Variants in WIPF3 observed in about 807,000 individuals in gnomAD.
WIPF3 encodes the protein WAS/WASL interacting protein family member 3, also known as WAS/WASL-interacting protein family member 3.
Under a neutral mutation model 38.9 loss-of-function variants are expected in WIPF3, and 33 were observed. The observed-to-expected ratio is 0.85, with a 90% confidence interval of 0.64 to 1.14. The LOEUF is 1.14. Ranked by LOEUF, WIPF3 falls within the 50% of genes most tolerant of loss-of-function variation. The pLI, the probability that WIPF3 is intolerant of heterozygous loss-of-function variation, is 0.00. For synonymous variants in WIPF3, 324 were observed against 269.3 expected, an observed-to-expected ratio of 1.20 and a Z score of -1.99; for missense variants, 711 against 652.5, an observed-to-expected ratio of 1.09 and a Z score of -0.98.
intron 1 of WIPF3, among the ~76,000 whole-genome samples, chr7:29,813,779 T>G (rs1444891058): frequency 6.6e-6 from 1 of 152,184 alleles, no homozygotes; most frequent in African/African-American, 2.4e-5. Context: ...ATTCCAGACA[T>G]TTTCATCACC....
intron 2 of WIPF3, among the ~76,000 whole-genome samples, chr7:29,859,114 C>T (rs1423351130): frequency 6.6e-6 from 1 of 152,094 alleles, no homozygotes; most frequent in Non-Finnish European, 1.5e-5. Context: ...GAAATATCTT[C>T]ATGAACTATG....
chr7:29,865,720 T>A (rs1391068521), intron 2 of WIPF3, among the ~76,000 whole-genome samples: 1 of 152,186 alleles, frequency 6.6e-6, no homozygotes, highest in Non-Finnish European at 1.5e-5. Context: ...TGGAAGAGAA[T>A]TCCATTAGAT....
rs576561398 is a variant in WIPF3, at chr7:29,912,523, A to G, written c.1429-1970A>G. On this transcript the variant is annotated intron_variant, in intron 8 of 8. Transcript: ENST00000242140. ...TTACAATAGCTAAAATGTAGAAGCAACTTGATCCTCTTGTAGTTCATGAGC... is the reference window on the plus strand; with the variant it reads ...TTACAATAGCTAAAATGTAGAAGCAGCTTGATCCTCTTGTAGTTCATGAGC... 42 of 210,162 alleles carry G rather than the reference A, an allele frequency of 2.0e-4. 1 individual carries two copies. The highest frequency in any genetic ancestry group is 8.5e-4 in the African/African-American group (37 of 43,440). The allele number at this position is 210,162 out of a possible 1,614,324, so 13.0% of individuals were successfully genotyped here. A position where few individuals can be genotyped will look rare whatever the true frequency, so the allele number is the denominator to read the frequency against.
chr7:29,895,463 G>A (rs936659750), intron 7 of WIPF3, among the ~76,000 whole-genome samples: 2 of 152,184 alleles, frequency 1.3e-5, no homozygotes, highest in Non-Finnish European at 2.9e-5. Context: ...GTAGCCATAC[G>A]ATGGAATATG....
intron 2 of WIPF3, among the ~76,000 whole-genome samples, chr7:29,845,582 G>A (rs1360964306): frequency 6.6e-6 from 1 of 152,214 alleles, no homozygotes; most frequent in East Asian, 1.9e-4. Context: ...GGATCCTGAA[G>A]TCTCATCTTT....
intron 5 of WIPF3, among the ~76,000 whole-genome samples, chr7:29,886,720 C>T (rs1294032707): frequency 6.6e-6 from 1 of 152,150 alleles, no homozygotes; most frequent in Non-Finnish European, 1.5e-5. Flanking sequence ...TCACCCACTC[C>T]TGTGGAAACT....
At chr7:29,854,596 C>G (rs1278923497) in intron 2 of WIPF3, among the ~76,000 whole-genome samples, 1 of 152,156 alleles carries the variant, frequency 6.6e-6, no homozygotes, top group Non-Finnish European at 1.5e-5. Context: ...TCCCCTGCAG[C>G]AGAAGTGACC....
At chr7:29,908,570 G>C (rs1171013606) in intron 8 of WIPF3, among the ~76,000 whole-genome samples, 1 of 152,172 alleles carries the variant, frequency 6.6e-6, no homozygotes, top group Non-Finnish European at 1.5e-5. Context: ...TTTTCCAGGA[G>C]AGTCCATTTG....
intron 1 of WIPF3, among the ~76,000 whole-genome samples, chr7:29,831,779 G>A (rs1426053793): frequency 6.6e-6 from 1 of 152,160 alleles, no homozygotes; most frequent in Non-Finnish European, 1.5e-5. Flanking sequence ...TCAATGGGCG[G>A]GGAAAGAGAA....
chr7:29,855,716 G>T (rs1028309147), intron 2 of WIPF3, among the ~76,000 whole-genome samples: 3 of 152,154 alleles, frequency 2.0e-5, no homozygotes, highest in Admixed American at 6.5e-5. Context: ...ATGTACCAAA[G>T]AAACCACAAG....
Position 29,875,902 on chromosome 7 carries a change from C to G in WIPF3, c.163C>G (p.Gln55Glu). ...GRSALLADIQ[Q>E]GTRLRKVTQI... ...GAGTGCGCTGTTGGCTGATATCCAGCAAGGAACTCGCCTGCGCAAAGTCAC... is the reference window on the plus strand; with the variant it reads ...GAGTGCGCTGTTGGCTGATATCCAGGAAGGAACTCGCCTGCGCAAAGTCAC... Residue 55 changes from glutamine (Q) to glutamate (E), a missense_variant, in exon 3 of 9, where the codon CAA becomes GAA. Physicochemically the swap from Gln to Glu is conservative, Grantham distance 29. Coordinates refer to ENST00000242140, the MANE Select transcript of WIPF3 (RefSeq NM_001080529.3). The G allele has an allele frequency of 6.2e-7, 1 of 1,614,080 alleles. No homozygotes were observed. The highest frequency in any genetic ancestry group is 8.5e-7 in the Non-Finnish European group (1 of 1,179,908).
At chr7:29,851,832 G>A (rs1043276692) in intron 2 of WIPF3, among the ~76,000 whole-genome samples, 1 of 152,118 alleles carries the variant, frequency 6.6e-6, no homozygotes, top group African/African-American at 2.4e-5. Flanking sequence ...CACCCTTCAG[G>A]CCCCACAGTG....
chr7:29,845,102 GA>G (rs397717640), intron 2 of WIPF3, among the ~76,000 whole-genome samples: 2,203 of 138,324 alleles, frequency 0.016, 27 homozygotes, highest in African/African-American at 0.039. Flanking sequence ...CTTCTAATAG[GA>G]AAAAAAAAAA....
At chr7:29,847,303 C>A (rs1785015552) in intron 2 of WIPF3, among the ~76,000 whole-genome samples, 1 of 152,130 alleles carries the variant, frequency 6.6e-6, no homozygotes, top group Non-Finnish European at 1.5e-5. Context: ...AATTGAGAAC[C>A]TGAGTTATCC....
chr7:29,836,601 G>A (rs760381914), intron 2 of WIPF3, among the ~76,000 whole-genome samples: 24 of 152,148 alleles, frequency 1.6e-4, no homozygotes, highest in Non-Finnish European at 2.9e-4. Context: ...TTATTCTAGC[G>A]AAAAAATAGA....
chr7:29,879,033 G>T lies in WIPF3; in HGVS notation c.248G>T (p.Gly83Val). ...GGTTCTAAAGGAACCAACAAAGAAG[G>T]AGGAGGTTCTGCAAACACACGAGGC... ...IESSKGTNKE[G>V]GGSANTRGAS... Residue 83 changes from glycine (G) to valine (V), a missense_variant, in exon 4 of 9, where the codon GGA (glycine) becomes GTA (valine). Coordinates refer to ENST00000242140, the MANE Select transcript of WIPF3 (RefSeq NM_001080529.3). 6.2e-7 allele frequency: 1 copy of T among 1,602,106 alleles called. No individual in the cohort carries two copies. The highest frequency in any genetic ancestry group is 8.5e-7 in the Non-Finnish European group (1 of 1,173,450).
intron 5 of WIPF3, 26 bp downstream of exon 5, chr7:29,884,619 C>T (rs1785833417): frequency 1.3e-6 from 2 of 1,580,452 alleles, no homozygotes; most frequent in East Asian, 2.3e-5. Flanking sequence ...TGGCCCAGTG[C>T]CCCTGGTGGA....
intron 1 of WIPF3, among the ~76,000 whole-genome samples, chr7:29,818,135 T>G (rs143160603): frequency 2.3e-4 from 35 of 152,334 alleles, no homozygotes; most frequent in South Asian, 4.1e-4. Context: ...AAGAGCTACC[T>G]TTTTAAATTA....
chr7:29,834,822 C>T lies in WIPF3; in HGVS notation c.90+8C>T, dbSNP rs1562773520. 12 of 1,536,798 alleles carry T rather than the reference C, an allele frequency of 7.8e-6. No homozygotes were observed. Among genetic ancestry groups the T allele is most frequent in the Middle Eastern group, 1.8e-4 (1 of 5,574 alleles). On this transcript the variant is annotated splice_region_variant and intron_variant, in intron 2 of 8. Coordinates refer to ENST00000242140, the MANE Select transcript of WIPF3 (RefSeq NM_001080529.3). ...CCACCATCAGCACCCCCGGTAAGAC[C>T]TTTTTTTCTGATTGGTTTACTGTGG...
Sources: allele counts gnomAD v4.1 joint callset (sites outside exome capture counted in the v4.1 genomes callset), GRCh38; gene constraint gnomAD v4.1.1; transcripts MANE v1.5; gene names NCBI Gene and HGNC (gene_info 2026-07-23, HGNC 2026-07-21).